The following ZDHHC15 variants were observed in gnomAD, a reference collection of about 807,000 sequenced individuals.
ZDHHC15 encodes palmitoyltransferase ZDHHC15.
Under a neutral mutation model 31.7 loss-of-function variants are expected in ZDHHC15, and 19 were observed. The ratio of observed to expected loss-of-function variants is 0.60; its 90% CI spans 0.42 to 0.88. The LOEUF is 0.88. Ranked by LOEUF, ZDHHC15 falls within the 40% of genes least tolerant of loss-of-function variation. ZDHHC15 has a pLI of 0.00. For missense variants in ZDHHC15, 209 were observed against 251.2 expected (o/e 0.83, Z 1.14); for synonymous variants, 103 against 90.0 (o/e 1.14, Z -0.82).
chrX:75,451,133 A>G (rs1036280844), intron 3 of ZDHHC15, among the ~76,000 whole-genome samples: 6 of 112,015 alleles, frequency 5.4e-5, no homozygotes, highest in African/African-American at 1.6e-4. Flanking sequence ...ATTTTTTAAT[A>G]AAGAAAATAA....
intron 1 of ZDHHC15, among the ~76,000 whole-genome samples, chrX:75,521,585 A>G (rs757966446): frequency 1.8e-5 from 2 of 111,005 alleles, no homozygotes; most frequent in Admixed American, 9.7e-5. Flanking sequence ...CATTTTGCAA[A>G]TAAGGAGGAT....
Position 75,424,791 on chromosome X carries a change from A to G in ZDHHC15, c.604-7T>C. The G allele has an allele frequency of 8.5e-7, 1 of 1,177,703 alleles. No individual in the cohort carries two copies. The highest frequency in any genetic ancestry group is 1.1e-6 in the Non-Finnish European group (1 of 880,898). On this transcript the variant is annotated splice_polypyrimidine_tract_variant and splice_region_variant and intron_variant, in intron 7 of 11. Coordinates refer to ENST00000373367, the MANE Select transcript of ZDHHC15 (RefSeq NM_144969.3). Reference sequence around the variant, plus strand: ...GAACACTGGGTAATTCCCCCTAGAAAAGAAATAATAAACAAGCAAAAGATT... The same window carrying G: ...GAACACTGGGTAATTCCCCCTAGAAGAGAAATAATAAACAAGCAAAAGATT...
At chrX:75,511,532 G>A (rs1167130384) in intron 1 of ZDHHC15, among the ~76,000 whole-genome samples, 1 of 75,769 alleles carries the variant, frequency 1.3e-5, no homozygotes, top group Non-Finnish European at 2.5e-5. Flanking sequence ...TAGGTTGCCT[G>A]TTCACTCTGA....
At chrX:75,380,426 C>T (rs1222749390) in intron 10 of ZDHHC15, among the ~76,000 whole-genome samples, 2 of 111,622 alleles carry the variant, frequency 1.8e-5, no homozygotes, top group East Asian at 5.6e-4. Context: ...CAAAAGTTGG[C>T]TGTTTGGATT....
chrX:75,493,254 A>G (rs986789189), intron 2 of ZDHHC15, among the ~76,000 whole-genome samples: 12 of 112,107 alleles, frequency 1.1e-4, no homozygotes, highest in Non-Finnish European at 2.1e-4. Context: ...ATCTCTGAAT[A>G]GACCAATAAG....
chrX:75,467,329 G>A (rs2084422807), intron 3 of ZDHHC15, among the ~76,000 whole-genome samples: 1 of 112,055 alleles, frequency 8.9e-6, no homozygotes, highest in Non-Finnish European at 1.9e-5. Flanking sequence ...CACAGGAAGA[G>A]GATTTTCTAT....
intron 2 of ZDHHC15, among the ~76,000 whole-genome samples, chrX:75,491,877 C>A (rs2084901954): frequency 9.0e-6 from 1 of 111,414 alleles, no homozygotes; most frequent in South Asian, 3.8e-4. Flanking sequence ...GAAGAAACTG[C>A]ATCAATTAAC....
chrX:75,382,425 T>C (rs2083123759), intron 10 of ZDHHC15, among the ~76,000 whole-genome samples: 1 of 111,995 alleles, frequency 8.9e-6, no homozygotes, highest in Non-Finnish European at 1.9e-5. Flanking sequence ...GGGGAAAAGT[T>C]ACTTGGAAAA....
At chrX:75,417,235 C>G in intron 9 of ZDHHC15, 45 bp from the exon 10 acceptor site, 1 of 965,235 alleles carries the variant, frequency 1.0e-6, no homozygotes, top group Non-Finnish European at 1.5e-6. Context: ...CTGACATAGA[C>G]TTTTGTGAAG....
chrX:75,500,730 T>A (rs2085075661), intron 2 of ZDHHC15, among the ~76,000 whole-genome samples: 1 of 109,203 alleles, frequency 9.2e-6, no homozygotes, highest in East Asian at 2.8e-4. Context: ...ACCTTAATTA[T>A]AAAGTAATTT....
intron 4 of ZDHHC15, among the ~76,000 whole-genome samples, chrX:75,443,217 A>G (rs1394100978): frequency 9.1e-6 from 1 of 110,181 alleles, no homozygotes; most frequent in Non-Finnish European, 1.9e-5. Flanking sequence ...AAACTCTACT[A>G]CAAGGCTACA....
intron 2 of ZDHHC15, among the ~76,000 whole-genome samples, chrX:75,490,428 C>T (rs1457431321): frequency 9.0e-6 from 1 of 111,503 alleles, no homozygotes; most frequent in East Asian, 2.8e-4. Context: ...AGAGTGAAGG[C>T]CAATATTCAA....
intron 3 of ZDHHC15, among the ~76,000 whole-genome samples, chrX:75,467,237 A>G (rs760259886): frequency 1.8e-5 from 2 of 112,523 alleles, no homozygotes; most frequent in African/African-American, 6.4e-5. Flanking sequence ...AATTAAAAGT[A>G]GCACCTTGTG....
intron 2 of ZDHHC15, among the ~76,000 whole-genome samples, chrX:75,489,468 C>A (rs1374009796): frequency 1.8e-5 from 2 of 112,002 alleles, no homozygotes; most frequent in East Asian, 5.6e-4. Flanking sequence ...ACTGCTGATA[C>A]CCAGGCAAAC....
intron 4 of ZDHHC15, among the ~76,000 whole-genome samples, chrX:75,442,607 T>A (rs188563881): frequency 9.0e-6 from 1 of 111,685 alleles, no homozygotes; most frequent in Non-Finnish European, 1.9e-5. Flanking sequence ...GTGAAGGACC[T>A]TTTCAAGGAG....
At chrX:75,421,339 T>C (rs757872241) in intron 9 of ZDHHC15, among the ~76,000 whole-genome samples, 1 of 79,594 alleles carries the variant, frequency 1.3e-5, no homozygotes, top group Admixed American at 1.6e-4. Context: ...TGACATAGTC[T>C]TTATAACCAT....
intron 4 of ZDHHC15, among the ~76,000 whole-genome samples, chrX:75,448,190 G>A (rs1349142602): frequency 8.9e-6 from 1 of 112,318 alleles, no homozygotes; most frequent in Non-Finnish European, 1.9e-5. Flanking sequence ...CCCGTGATTA[G>A]GTCAATGGAA....
intron 10 of ZDHHC15, chrX:75,384,723 T>G: frequency 1.2e-6 from 1 of 818,807 alleles, no homozygotes. Flanking sequence ...GTACCTGTGT[T>G]CAACTAAAGT....
chrX:75,394,543 G>A lies in ZDHHC15; in HGVS notation c.968-15345C>T, dbSNP rs190905748. On this transcript the variant is annotated intron_variant, in intron 10 of 11. Transcript: ENST00000373367. Reference sequence around the variant, plus strand: ...GAATGGAAAAAGATATTCCATGCAAGTGAAAACAAAAACAGAGCATGTGTA... The same window carrying A: ...GAATGGAAAAAGATATTCCATGCAAATGAAAACAAAAACAGAGCATGTGTA... Among the ~76,000 whole-genome samples the A allele has an allele frequency of 2.2e-4, 24 of 111,075 alleles. No individual in the cohort carries two copies. In the South Asian group the frequency reaches 8.3e-3, roughly 39 times the overall value.
Sources: gnomAD v4.1 joint callset for allele counts (sites outside exome capture counted in the v4.1 genomes callset) on GRCh38, gnomAD v4.1.1 for gene constraint, MANE v1.5 for transcripts, NCBI Gene and HGNC (gene_info 2026-07-23, HGNC 2026-07-21) for gene names.